Variants in SI observed in about 807,000 individuals in gnomAD.
The protein encoded by SI is sucrase-isomaltase, also known as sucrase-isomaltase, intestinal.
Under a neutral mutation model 253.3 loss-of-function variants are expected in SI, and 235 were observed. The ratio of observed to expected loss-of-function variants is 0.93; its 90% confidence interval spans 0.83 to 1.03. SI has a LOEUF of 1.03. Ranked by LOEUF, SI falls within the 50% of genes least tolerant of loss-of-function variation. SI has a pLI of 0.00. For missense variants in SI, 2,442 were observed against 2,211.1 expected (o/e 1.10, Z -2.09); for synonymous variants, 819 against 712.0 (o/e 1.15, Z -2.39).
chr3:165,055,042 T>C (rs1713628502), intron 13 of SI, 152 bp downstream of exon 13: 2 of 602,974 alleles, frequency 3.3e-6, no homozygotes, highest in Non-Finnish European at 5.9e-6. Flanking sequence ...ACACGATGGG[T>C]ATATTTATCC....
intron 20 of SI, 125 bp downstream of exon 20, chr3:165,038,953 A>G (rs1316866077): frequency 3.3e-6 from 2 of 610,904 alleles, no homozygotes; most frequent in East Asian, 5.8e-5. Flanking sequence ...TATTTTTTAT[A>G]GTAATGACAG....
At chr3:164,995,879 G>A (rs999066420) in intron 40 of SI, among the ~76,000 whole-genome samples, 4 of 151,572 alleles carry the variant, frequency 2.6e-5, no homozygotes, top group African/African-American at 7.3e-5. Flanking sequence ...CAAGGACTTC[G>A]TAAATATGAA....
At chr3:164,980,727 T>A (rs1717141182) in intron 47 of SI, among the ~76,000 whole-genome samples, 1 of 152,020 alleles carries the variant, frequency 6.6e-6, no homozygotes, top group South Asian at 2.1e-4. Flanking sequence ...AAAAATGATT[T>A]TTAATGGTTT....
At chr3:165,012,286 T>C (rs1047404567) in intron 34 of SI, among the ~76,000 whole-genome samples, 2 of 152,160 alleles carry the variant, frequency 1.3e-5, no homozygotes, top group Non-Finnish European at 2.9e-5. Context: ...AAAATCTCAA[T>C]TACGCAAGGT....
chr3:165,007,230 G>A (rs529690649), intron 36 of SI, among the ~76,000 whole-genome samples: 3 of 152,160 alleles, frequency 2.0e-5, no homozygotes, highest in Non-Finnish European at 4.4e-5. Flanking sequence ...ACACTGATTA[G>A]AGTTTTATTA....
At chr3:165,058,467 A>T (rs984227224) in intron 12 of SI, among the ~76,000 whole-genome samples, 1 of 151,974 alleles carries the variant, frequency 6.6e-6, no homozygotes, top group African/African-American at 2.4e-5. Context: ...TGAAAAACAA[A>T]CAGTACAAAA....
intron 9 of SI, among the ~76,000 whole-genome samples, chr3:165,061,573 CA>C (rs1451943606): frequency 6.6e-6 from 1 of 151,612 alleles, no homozygotes; most frequent in Non-Finnish European, 1.5e-5. Flanking sequence ...ATCATTTTTG[CA>C]AATGGGAATT....
At chr3:165,039,206 G>A (rs965983463) in intron 19 of SI, 72 bp from the exon 20 acceptor site, 2 of 1,049,228 alleles carry the variant, frequency 1.9e-6, no homozygotes, top group South Asian at 2.8e-5. Context: ...TATTAAGTTG[G>A]GTTTTCATAG....
intron 25 of SI, among the ~76,000 whole-genome samples, chr3:165,025,787 C>T (rs1371329961): frequency 6.6e-6 from 1 of 151,344 alleles, no homozygotes; most frequent in Non-Finnish European, 1.5e-5. Context: ...CAAACAAATG[C>T]TGAGAGAATT....
rs767250915 is a variant in SI at position 165,059,239 on chromosome 3, C to T, written c.1207G>A (p.Val403Ile). Residue 403 changes from valine to isoleucine, a missense_variant, in exon 11 of 48, where the codon GTT becomes ATT. Val to Ile is a conservative substitution (Grantham distance 29, BLOSUM62 3). Coordinates refer to ENST00000264382, the MANE Select transcript of SI (RefSeq NM_001041.4). ...AATTGAGGGAGTCCGTTAAACGCAA[C>T]TTGATCATAAGTAAAGTCTTTCTTG... Reference protein sequence around the residue: ...EDKKDFTYDQVAFNGLPQFVQ... With the variant: ...EDKKDFTYDQIAFNGLPQFVQ... 1.2e-5 allele frequency: 19 copies of T among 1,612,642 alleles called. No individual in the cohort carries two copies. Among genetic ancestry groups the T allele is most frequent in the African/African-American group, 5.3e-5 (4 of 74,850 alleles).
chr3:165,058,128 A>C (rs1162999246), intron 12 of SI, among the ~76,000 whole-genome samples: 1 of 152,034 alleles, frequency 6.6e-6, no homozygotes, highest in Non-Finnish European at 1.5e-5. Context: ...ATAAATAACA[A>C]GAATAACTTT....
chr3:165,018,812 A>G (rs901800310), intron 28 of SI, among the ~76,000 whole-genome samples: 5 of 151,598 alleles, frequency 3.3e-5, no homozygotes, highest in African/African-American at 7.2e-5. Flanking sequence ...GGTAAAATGT[A>G]TTCTTTCAAG....
Position 164,979,495 on chromosome 3 carries a change from C to T in SI, c.5416-65G>A, listed in dbSNP as rs568074870. 6 of 931,076 alleles carry T rather than the reference C, an allele frequency of 6.4e-6. No homozygotes were observed. In the East Asian group the frequency reaches 1.2e-4, roughly 19 times the overall value. 57.7% of individuals were successfully genotyped at this position (931,076 alleles called of 1,614,324 possible). Reference sequence around the variant, plus strand: ...CACATTTTTCTTATTTTCATGAATGCTATTTCAAAAAAGTTTTCTAATAAA... The same window carrying T: ...CACATTTTTCTTATTTTCATGAATGTTATTTCAAAAAAGTTTTCTAATAAA... On this transcript the variant is annotated intron_variant, in intron 47 of 47. Transcript: ENST00000264382.
rs1414655424 is a variant in SI at position 164,983,155 on chromosome 3, A to C, written c.5198-104T>G. ...TCTTTCCCAGTATAAAAAGTAGCAA[A>C]TATTATCAAGATGTACCTATTTTTT... is the stretch of plus-strand genomic sequence containing the variant. On this transcript the variant is annotated intron_variant, in intron 45 of 47. Transcript: ENST00000264382. 3 of 1,124,720 alleles carry C rather than the reference A, an allele frequency of 2.7e-6. No individual in the cohort carries two copies. The African/African-American group carries it at 4.7e-5, about 18-fold the overall frequency. 69.7% of individuals were successfully genotyped at this position (1,124,720 alleles called of 1,614,324 possible). A position where few individuals can be genotyped will look rare whatever the true frequency, so the allele number is the denominator to read the frequency against.
At chr3:165,090,093 G>A in the SI span, among the ~76,000 whole-genome samples, 5 of 151,598 alleles carry the variant, frequency 3.3e-5, no homozygotes, top group South Asian at 6.3e-4. Flanking sequence ...TTAGGAGATC[G>A]GAGTTAATTA....
At chr3:165,077,839 C>G (rs1270806498) in intron 1 of SI, among the ~76,000 whole-genome samples, 2 of 151,390 alleles carry the variant, frequency 1.3e-5, no homozygotes, top group African/African-American at 4.8e-5. Flanking sequence ...AAAATCAAAA[C>G]AAAATTTAAA....
At chr3:165,080,291 C>G (rs1416737273), upstream of SI, among the ~76,000 whole-genome samples, 2 of 152,090 alleles carry the variant, frequency 1.3e-5, no homozygotes, top group African/African-American at 4.8e-5. Flanking sequence ...TTCTTTCCAG[C>G]TTTCCACATC....
intron 34 of SI, among the ~76,000 whole-genome samples, chr3:165,011,116 T>C (rs1273274201): frequency 6.6e-6 from 1 of 152,172 alleles, no homozygotes; most frequent in African/African-American, 2.4e-5. Flanking sequence ...TGTTTTTCTT[T>C]TAATTTTTAC....
intron 45 of SI, among the ~76,000 whole-genome samples, chr3:164,984,922 T>C (rs1196153732): frequency 6.6e-6 from 1 of 152,208 alleles, no homozygotes; most frequent in Non-Finnish European, 1.5e-5. Flanking sequence ...TTGCTATATA[T>C]GGTTTTCGCT....
Sources: gnomAD v4.1 joint callset for allele counts (sites outside exome capture counted in the v4.1 genomes callset) on GRCh38, gnomAD v4.1.1 for gene constraint, MANE v1.5 for transcripts, NCBI Gene and HGNC (gene_info 2026-07-23, HGNC 2026-07-21) for gene names.